Variants in N4BP1 observed in about 807,000 individuals in gnomAD.
N4BP1 encodes NEDD4 binding protein 1, also known as NEDD4-binding protein 1.
N4BP1 carries 21 observed loss-of-function variants against 70.9 expected under a neutral mutation model. The ratio of observed to expected loss-of-function variants is 0.30; its 90% CI spans 0.21 to 0.43. N4BP1 has a LOEUF of 0.43. Among genes scored for constraint, N4BP1 ranks in the 20% least tolerant of loss-of-function variants. N4BP1 has a pLI of 1.00. For missense variants in N4BP1, 936 were observed against 1,069.4 expected (o/e 0.88, Z 1.74); for synonymous variants, 387 against 394.6 (o/e 0.98, Z 0.23).
chr16:48,586,326 A>G (rs1964244898), intron 1 of N4BP1, among the ~76,000 whole-genome samples: 1 of 152,212 alleles, frequency 6.6e-6, no homozygotes, highest in African/African-American at 2.4e-5. Context: ...CCGAGTATAT[A>G]ATTTTACCAC....
chr16:48,544,843 ACT>A (rs998570346), intron 6 of N4BP1, among the ~76,000 whole-genome samples: 12 of 152,290 alleles, frequency 7.9e-5, no homozygotes, highest in African/African-American at 2.4e-4. Flanking sequence ...GTAAAAAGAC[ACT>A]CACACATACA....
At chr16:48,571,058 C>A (rs1331227078) in intron 1 of N4BP1, among the ~76,000 whole-genome samples, 5 of 152,158 alleles carry the variant, frequency 3.3e-5, no homozygotes, top group Admixed American at 3.3e-4. Context: ...TCCCAAAGTG[C>A]CGGTATTAAA....
intron 2 of N4BP1, among the ~76,000 whole-genome samples, chr16:48,556,287 A>G (rs1394118966): frequency 6.6e-6 from 1 of 152,206 alleles, no homozygotes; most frequent in African/African-American, 2.4e-5. Context: ...AAGCCAAATT[A>G]TTGTCCTCAA....
At chr16:48,575,037 T>C (rs907676026) in intron 1 of N4BP1, among the ~76,000 whole-genome samples, 1 of 152,226 alleles carries the variant, frequency 6.6e-6, no homozygotes, top group Non-Finnish European at 1.5e-5. Flanking sequence ...TGCTTATGAC[T>C]GCTTCACATG....
intron 1 of N4BP1, among the ~76,000 whole-genome samples, chr16:48,582,294 G>T (rs1964184506): frequency 6.6e-6 from 1 of 152,096 alleles, no homozygotes; most frequent in Admixed American, 6.6e-5. Flanking sequence ...ATTTTTAATT[G>T]TGCCCTCTAA....
Position 48,561,235 on chromosome 16 carries a change from G to T in N4BP1, c.1408C>A (p.Gln470Lys). 6.2e-7 allele frequency: 1 copy of T among 1,613,942 alleles called. No individual in the cohort carries two copies. ...TTTGAACCCCAGACTTCATGTTTCT[G>T]TTCTATTGGCACTGTTCTGAAAGTA... ...INTFRTVPIE[Q>K]KHEVWGSNQN... The change falls in exon 2 of 7, where the codon CAG becomes AAG. Residue 470 changes from glutamine to lysine, a missense_variant. Gln to Lys is a moderately conservative substitution (Grantham distance 53, BLOSUM62 1). Transcript: ENST00000262384.
rs747358636 is a variant in N4BP1 at position 48,561,563 on chromosome 16, G to T, written c.1080C>A (p.Ser360=). 2 of 1,613,794 alleles carry T rather than the reference G, an allele frequency of 1.2e-6. No individual in the cohort carries two copies. The highest frequency in any genetic ancestry group is 1.7e-6 in the Non-Finnish European group (2 of 1,179,858). ...LVNFFKTMGY[S]QEIVEKVIKV... is the part of the protein sequence containing the mutation. The stretch of plus-strand genomic sequence containing the variant: ...TAATGACCTTTTCAACAATTTCTTG[G>T]GAGTAGCCCATGGTTTTAAAAAAGT... Residue 360 remains serine, a synonymous_variant, in exon 2 of 7, where the codon TCC becomes TCA. Transcript: ENST00000262384.
chr16:48,609,841 C>G lies in N4BP1; in HGVS notation c.132G>C (p.Glu44Asp). ...GCCAGATGCGCGCGGGCAGCGGCTCCTCAGCCCCTAGCGCGCCGAGCACGG... is the reference window on the plus strand; with the variant it reads ...GCCAGATGCGCGCGGGCAGCGGCTCGTCAGCCCCTAGCGCGCCGAGCACGG... The part of the protein sequence containing the change: ...SLAVLGALGA[E>D]EPLPARIWLQ... The change falls in exon 1 of 7, where the codon GAG becomes GAC. Residue 44 changes from glutamate (E) to aspartate (D), a missense_variant. By Grantham distance (45) the Glu-to-Asp change is conservative. This residue lies in a region of N4BP1 where 187 missense variants were observed against 217.1 expected (regional missense o/e 0.86). Coordinates refer to ENST00000262384, the MANE Select transcript of N4BP1 (RefSeq NM_153029.4). 4 of 1,490,210 alleles carry G rather than the reference C, an allele frequency of 2.7e-6. No individual in the cohort carries two copies. Among genetic ancestry groups the G allele is most frequent in the Non-Finnish European group, 3.6e-6 (4 of 1,124,772 alleles). 92.3% of individuals were successfully genotyped at this position (1,490,210 alleles called of 1,614,324 possible).
At chr16:48,602,496 C>T (rs529874156) in intron 1 of N4BP1, among the ~76,000 whole-genome samples, 129 of 152,210 alleles carry the variant, frequency 8.5e-4, no homozygotes, top group Admixed American at 1.9e-3. Flanking sequence ...CCAGCATAAG[C>T]AATACCAGTA....
chr16:48,552,944 C>T (rs2096070602), intron 3 of N4BP1, among the ~76,000 whole-genome samples: 2 of 152,054 alleles, frequency 1.3e-5, no homozygotes. Context: ...TACTGACCCT[C>T]CTTCCCCACA....
rs1246372207 is a variant in N4BP1, at chr16:48,542,118, T to C, written c.*786A>G. ...CCCTGACTGTGGGCGTGTCAAGCCC[T>C]GGCTGGGGAGCCTGCTGCCTGCCCG... On this transcript the variant is annotated 3_prime_UTR_variant, in exon 7 of 7. Transcript: ENST00000262384. The C allele has an allele frequency of 1.3e-5, 2 of 152,328 alleles. No homozygotes were observed. 9.4% of individuals were successfully genotyped at this position (152,328 alleles called of 1,614,324 possible). A position where few individuals can be genotyped will look rare whatever the true frequency, so the allele number is the denominator to read the frequency against.
chr16:48,603,462 C>T lies in N4BP1; in HGVS notation c.198+6313G>A, dbSNP rs78945346. ...TCCACACCTTAAAGGTTCATGGAGA[C>T]GCCAAACAAGTAGCTGTGCCATTTA... On this transcript the variant is annotated intron_variant, in intron 1 of 6. Coordinates refer to ENST00000262384, the MANE Select transcript of N4BP1 (RefSeq NM_153029.4). Among the ~76,000 whole-genome samples the T allele has an allele frequency of 8.5e-3, 1,296 of 152,078 alleles. 16 individuals carry two copies. The highest frequency in any genetic ancestry group is 0.03 in the African/African-American group (1,232 of 41,488).
intron 1 of N4BP1, among the ~76,000 whole-genome samples, chr16:48,588,303 T>G (rs1964278931): frequency 6.6e-6 from 1 of 151,766 alleles, no homozygotes; most frequent in South Asian, 2.1e-4. Context: ...TCTTTTTTTT[T>G]TTTTTTTGGA....
In N4BP1 at chr16:48,562,176, A is replaced by G. The variant is rs1425124427; in HGVS notation, c.467T>C (p.Val156Ala). ...NLPSSQKESE[V>A]KREFKQFVEA... is the part of the protein sequence containing the mutation. ...AACAAATTGTTTGAATTCCCTTTTC[A>G]CCTCTGATTCTTTCTGACTACTGGG... Residue 156 changes from valine (V) to alanine (A), a missense_variant, in exon 2 of 7, where the codon GTG becomes GCG. Transcript: ENST00000262384. The G allele has an allele frequency of 6.2e-7, 1 of 1,613,864 alleles. No homozygotes were observed. The highest frequency in any genetic ancestry group is 8.5e-7 in the Non-Finnish European group (1 of 1,179,872).
rs1324130292 is a variant in N4BP1, at chr16:48,546,513, G to C, written c.2226-259C>G. The C allele has an allele frequency of 1.8e-5, 6 of 328,106 alleles. No individual in the cohort carries two copies. In the Admixed American group the frequency reaches 1.9e-4, roughly 11 times the overall value. The allele number at this position is 328,106 out of a possible 1,614,324, so 20.3% of individuals were successfully genotyped here. A position where few individuals can be genotyped will look rare whatever the true frequency, so the allele number is the denominator to read the frequency against. ...CATTAAGACTTGCAGATTTGTACTG[G>C]GCTTAGGAAGCCGCTTCTTCTTCTA... On this transcript the variant is annotated intron_variant, in intron 5 of 6. Transcript: ENST00000262384.
chr16:48,609,427 G>C (rs1309224622), intron 1 of N4BP1, among the ~76,000 whole-genome samples: 1 of 152,188 alleles, frequency 6.6e-6, no homozygotes, highest in Non-Finnish European at 1.5e-5. Flanking sequence ...TACCATCCTG[G>C]GGGCCGGGGA....
At chr16:48,600,878 T>C (rs1254742508) in intron 1 of N4BP1, among the ~76,000 whole-genome samples, 3 of 152,222 alleles carry the variant, frequency 2.0e-5, no homozygotes, top group South Asian at 4.1e-4. Context: ...CTTATAACTA[T>C]AGAAGTGAAT....
Position 48,607,354 on chromosome 16 carries a change from A to G in N4BP1, c.198+2421T>C, listed in dbSNP as rs551125065. ...AGGAGGCAGAACGCACAGCAAAGGC[A>G]GAGACTACTACAGTGGAGATTTAAG... On this transcript the variant is annotated intron_variant, in intron 1 of 6. Transcript: ENST00000262384. Among the ~76,000 whole-genome samples, 3 of 152,356 alleles carry G rather than the reference A, an allele frequency of 2.0e-5. No homozygotes were observed. In the South Asian group the frequency reaches 6.2e-4, roughly 32 times the overall value.
At chr16:48,609,503 T>C (rs896687063) in intron 1 of N4BP1, among the ~76,000 whole-genome samples, 2 of 152,198 alleles carry the variant, frequency 1.3e-5, no homozygotes, top group African/African-American at 4.8e-5. Flanking sequence ...CTGCGCTTCA[T>C]ACACATCCCC....
Sources: allele counts gnomAD v4.1 joint callset (sites outside exome capture counted in the v4.1 genomes callset), GRCh38; gene constraint gnomAD v4.1.1; regional missense constraint gnomAD v4.1.1; transcripts MANE v1.5; gene names NCBI Gene and HGNC (gene_info 2026-07-23, HGNC 2026-07-21).